Variants in NXPH1 observed in about 807,000 individuals in gnomAD.
NXPH1 encodes the protein neurexophilin-1.
In NXPH1, 5 loss-of-function variants were observed where a neutral mutation model predicts 23.7. That is an observed-to-expected ratio of 0.21 (90% CI 0.11 to 0.44). NXPH1 has a LOEUF of 0.44. Ranked by LOEUF, NXPH1 falls within the 20% of genes least tolerant of loss-of-function variation. NXPH1 has a pLI of 0.99. For missense variants in NXPH1, 324 were observed against 321.6 expected (o/e 1.01, Z -0.06); for synonymous variants, 144 against 122.2 (o/e 1.18, Z -1.18).
At chr7:8,538,047 C>T (rs1157180340) in intron 2 of NXPH1, among the ~76,000 whole-genome samples, 1 of 151,854 alleles carries the variant, frequency 6.6e-6, no homozygotes, top group Non-Finnish European at 1.5e-5. Flanking sequence ...GCTTCTCATC[C>T]TTTGGCTAAG....
At chr7:8,597,856 T>C (rs992924246) in intron 2 of NXPH1, among the ~76,000 whole-genome samples, 5 of 152,106 alleles carry the variant, frequency 3.3e-5, no homozygotes, top group Non-Finnish European at 7.4e-5. Flanking sequence ...ATTTGGCCAA[T>C]TGAAATGCCC....
chr7:8,659,804 T>C (rs1380254947), intron 2 of NXPH1, among the ~76,000 whole-genome samples: 1 of 152,242 alleles, frequency 6.6e-6, no homozygotes, highest in Non-Finnish European at 1.5e-5. Context: ...TGTGTTATTT[T>C]TTCTGTCAAC....
chr7:8,672,983 T>C (rs1459692035), intron 2 of NXPH1, among the ~76,000 whole-genome samples: 2 of 152,176 alleles, frequency 1.3e-5, no homozygotes, highest in African/African-American at 4.8e-5. Flanking sequence ...ACCATCAAGA[T>C]TGCTTTAGTC....
intron 2 of NXPH1, among the ~76,000 whole-genome samples, chr7:8,638,720 G>A (rs1290733949): frequency 6.6e-6 from 1 of 152,110 alleles, no homozygotes; most frequent in Non-Finnish European, 1.5e-5. Flanking sequence ...TGATTATTGT[G>A]TTTAATGTTT....
At chr7:8,627,404 A>G (rs977413446) in intron 2 of NXPH1, among the ~76,000 whole-genome samples, 1 of 152,162 alleles carries the variant, frequency 6.6e-6, no homozygotes, top group Non-Finnish European at 1.5e-5. Flanking sequence ...TAAATATGCA[A>G]TGTTCTTCAG....
Position 8,751,561 on chromosome 7 carries a change from A to C in NXPH1, c.608A>C (p.Lys203Thr). The C allele has an allele frequency of 6.2e-7, 1 of 1,613,444 alleles. No individual in the cohort carries two copies. The highest frequency in any genetic ancestry group is 2.2e-5 in the East Asian group (1 of 44,864). Residue 203 changes from lysine to threonine, a missense_variant, in exon 3 of 3, where the codon AAG (lysine) becomes ACG (threonine). Coordinates refer to ENST00000405863, the MANE Select transcript of NXPH1 (RefSeq NM_152745.3). This position sits in a 1 kb window ranked among gnomAD's most constrained non-coding sequence, Gnocchi z 4.5. ...NCRIEYEKVD[K>T]ATKNTLCNYD... ...CGCATTGAATATGAAAAGGTTGACA[A>C]GGCTACCAAGAACACACTCTGCAAC...
intron 2 of NXPH1, among the ~76,000 whole-genome samples, chr7:8,575,126 C>A (rs370063979): frequency 2.0e-5 from 3 of 152,178 alleles, no homozygotes; most frequent in African/African-American, 7.2e-5. Context: ...ACTAAGCCTT[C>A]TAATTTTGTC....
Position 8,687,783 on chromosome 7 carries a change from C to T in NXPH1, c.55-63225C>T, listed in dbSNP as rs188987670. Reference sequence around the variant, plus strand: ...GGTAATGTTCAAGGTTAGCTAGTATCATTGTCATTGATACTACTGTCTCTC... The same window carrying T: ...GGTAATGTTCAAGGTTAGCTAGTATTATTGTCATTGATACTACTGTCTCTC... On this transcript the variant is annotated intron_variant, in intron 2 of 2. Transcript: ENST00000405863. Among the ~76,000 whole-genome samples the T allele has an allele frequency of 1.8e-3, 270 of 152,234 alleles. 1 individual carries two copies. The highest frequency in any genetic ancestry group is 0.014 in the Middle Eastern group (4 of 294).
intron 2 of NXPH1, among the ~76,000 whole-genome samples, chr7:8,464,120 C>T (rs909637104): frequency 2.0e-5 from 3 of 152,114 alleles, no homozygotes; most frequent in African/African-American, 7.2e-5. Flanking sequence ...TCACTCCTCA[C>T]TCTTCCTTCT....
intron 2 of NXPH1, among the ~76,000 whole-genome samples, chr7:8,615,747 A>T (rs1819719483): frequency 6.6e-6 from 1 of 152,088 alleles, no homozygotes; most frequent in African/African-American, 2.4e-5. Context: ...TATTTTGAAG[A>T]AGGTAACACA....
intron 2 of NXPH1, among the ~76,000 whole-genome samples, chr7:8,561,674 A>G (rs191470190): frequency 6.6e-6 from 1 of 151,780 alleles, no homozygotes; most frequent in Admixed American, 6.6e-5. Context: ...CCAGGCTGAC[A>G]GTCAAAAGCC....
intron 2 of NXPH1, among the ~76,000 whole-genome samples, chr7:8,540,656 A>T (rs765713076): frequency 4.0e-5 from 6 of 151,792 alleles, no homozygotes; most frequent in African/African-American, 7.2e-5. Flanking sequence ...GTCTGCAGAG[A>T]GTACCTTTCA....
chr7:8,704,507 G>A (rs1194889413), intron 2 of NXPH1, among the ~76,000 whole-genome samples: 2 of 152,104 alleles, frequency 1.3e-5, no homozygotes, highest in African/African-American at 4.8e-5. Context: ...GATGATGGTG[G>A]GAGATGCTGC....
intron 2 of NXPH1, among the ~76,000 whole-genome samples, chr7:8,698,803 T>A (rs79360604): frequency 0.038 from 5,748 of 152,218 alleles, 220 homozygotes; most frequent in East Asian, 0.18. Flanking sequence ...TAGTCTCTTA[T>A]ATCAATGTAA....
At chr7:8,658,533 A>G (rs952745555) in intron 2 of NXPH1, among the ~76,000 whole-genome samples, 5 of 152,232 alleles carry the variant, frequency 3.3e-5, no homozygotes, top group African/African-American at 9.6e-5. Flanking sequence ...TTGGGATTTT[A>G]AAAAACATAC....
intron 2 of NXPH1, among the ~76,000 whole-genome samples, chr7:8,497,570 G>A (rs1002669567): frequency 6.6e-6 from 1 of 152,096 alleles, no homozygotes; most frequent in Non-Finnish European, 1.5e-5. Context: ...GGTGTGAGAT[G>A]GTATCTCATT....
intron 2 of NXPH1, among the ~76,000 whole-genome samples, chr7:8,486,989 A>T (rs971404084): frequency 2.6e-5 from 4 of 152,044 alleles, no homozygotes; most frequent in Non-Finnish European, 4.4e-5. Flanking sequence ...TCTATTTTCC[A>T]TGATCAGATA....
chr7:8,715,915 G>T (rs767751905), intron 2 of NXPH1, among the ~76,000 whole-genome samples: 1 of 152,104 alleles, frequency 6.6e-6, no homozygotes, highest in Non-Finnish European at 1.5e-5. Context: ...GTGTGTGTTT[G>T]TGTGTGTATA....
chr7:8,573,499 G>A (rs778157019), intron 2 of NXPH1, among the ~76,000 whole-genome samples: 2 of 152,082 alleles, frequency 1.3e-5, no homozygotes, highest in Non-Finnish European at 2.9e-5. Flanking sequence ...GCATAGGTGG[G>A]GAAGTGTAGT....
Sources: gnomAD v4.1 joint callset for allele counts (sites outside exome capture counted in the v4.1 genomes callset) on GRCh38, gnomAD v4.1.1 for gene constraint, Gnocchi (gnomAD v3.1) non-coding constraint, MANE v1.5 for transcripts, NCBI Gene and HGNC (gene_info 2026-07-23, HGNC 2026-07-21) for gene names.